Variants in DCTN1 observed in about 807,000 individuals in gnomAD.
DCTN1 encodes dynactin subunit 1, also known as 150 kDa dynein-associated polypeptide.
DCTN1 carries 61 observed loss-of-function variants against 161.2 expected under a neutral mutation model. The observed-to-expected ratio is 0.38, with a 90% confidence interval of 0.31 to 0.47. The LOEUF (loss-of-function observed/expected upper bound fraction) is 0.47. Ranked by LOEUF, DCTN1 falls within the 20% of genes least tolerant of loss-of-function variation. DCTN1 has a pLI of 0.99. For synonymous variants in DCTN1, 653 were observed against 632.4 expected (o/e 1.03, Z -0.49); for missense variants, 1,404 against 1,623.7 (o/e 0.86, Z 2.33).
rs773462298 is a variant in DCTN1 at position 74,366,226 on chromosome 2, A to G, written c.2760+18T>C. On this transcript the variant is annotated intron_variant, in intron 23 of 31. Transcript: ENST00000628224. Reference sequence around the variant, plus strand: ...TCCTACAGGCCTCTGCAACTTCTCCAAGGAAATCTCCACCTACCTTGCTGG... The same window carrying G: ...TCCTACAGGCCTCTGCAACTTCTCCGAGGAAATCTCCACCTACCTTGCTGG... 1 of 1,613,950 alleles carries G rather than the reference A, an allele frequency of 6.2e-7. No homozygotes were observed. The highest frequency in any genetic ancestry group is 1.7e-5 in the Admixed American group (1 of 60,022).
chr2:74,373,279 A>G, intron 6 of DCTN1: 2 of 415,458 alleles, frequency 4.8e-6, no homozygotes, highest in Non-Finnish European at 4.5e-6. Flanking sequence ...AGAAGGTCCC[A>G]TGAGACCAGT....
At chr2:74,368,590 G>T in intron 16 of DCTN1, 138 bp downstream of exon 16, 2 of 1,122,346 alleles carry the variant, frequency 1.8e-6, no homozygotes, top group Non-Finnish European at 2.6e-6. Context: ...ATATTAATCG[G>T]TGACTTTGCT....
intron 1 of DCTN1, among the ~76,000 whole-genome samples, chr2:74,388,124 A>G (rs965627533): frequency 2.0e-5 from 3 of 152,092 alleles, no homozygotes; most frequent in African/African-American, 7.2e-5. Context: ...AGTCCCAACT[A>G]CTCAGGAGGT....
chr2:74,382,422 A>G (rs1406055875), upstream of DCTN1, among the ~76,000 whole-genome samples: 2 of 151,982 alleles, frequency 1.3e-5, no homozygotes, highest in Admixed American at 1.3e-4. Context: ...TGACATGGTG[A>G]AACCCTATCT....
rs373738724 is a variant in DCTN1 at position 74,363,084 on chromosome 2, C to A, written c.3439G>T (p.Ala1147Ser). 2.5e-6 allele frequency: 4 copies of A among 1,613,700 alleles called. No homozygotes were observed. Among genetic ancestry groups the A allele is most frequent in the Admixed American group, 1.7e-5 (1 of 59,972 alleles). The change falls in exon 29 of 32, where the codon GCG (alanine) becomes TCG (serine). Residue 1147 changes from alanine to serine, a missense_variant. Ala to Ser is a moderately conservative substitution (Grantham distance 99). This residue lies in a region of DCTN1 where 311 missense variants were observed against 298.9 expected (regional missense o/e 1.04). Coordinates refer to ENST00000628224, the MANE Select transcript of DCTN1 (RefSeq NM_004082.5). ...EGPGSELPAG[A>S]LYRKTSQLLE... ...AGCTGGCTGGTCTTACGATACAGCG[C>A]TCCAGCTGGTAACTCACTGCCAGGG... is the stretch of plus-strand genomic sequence containing the variant.
chr2:74,391,477 G>A (rs1675994420), intron 1 of DCTN1: 2 of 271,538 alleles, frequency 7.4e-6, no homozygotes, highest in Non-Finnish European at 1.4e-5. Context: ...TGTGCCCACA[G>A]GAAACCTGTA....
intron 26 of DCTN1, 73 bp from the exon 27 acceptor site, chr2:74,363,701 A>T: frequency 6.3e-7 from 1 of 1,594,408 alleles, no homozygotes; most frequent in Non-Finnish European, 8.6e-7. Flanking sequence ...GGTTACGGGG[A>T]CACACCAGAG....
At position 74,370,610 on chromosome 2, in the gene DCTN1, G is replaced by T; in HGVS notation, c.1048+11C>A. The T allele has an allele frequency of 6.2e-7, 1 of 1,614,102 alleles. No individual in the cohort carries two copies. The highest frequency in any genetic ancestry group is 8.5e-7 in the Non-Finnish European group (1 of 1,180,026). The stretch of plus-strand genomic sequence containing the variant: ...TGACCGTTTGGCCCCCAGCAGCTGT[G>T]GGCCCCTTACCCTTCTCTTCAATCT... On this transcript the variant is annotated intron_variant, in intron 10 of 31. Transcript: ENST00000628224. This position sits in a 1 kb window ranked among gnomAD's most constrained non-coding sequence, Gnocchi z 4.4.
intron 25 of DCTN1, 79 bp from the exon 26 acceptor site, chr2:74,365,320 G>C: frequency 6.3e-7 from 1 of 1,585,428 alleles, no homozygotes; most frequent in Non-Finnish European, 8.6e-7. Flanking sequence ...GAGGTCCTTG[G>C]AATAGCCCTG....
upstream of DCTN1, among the ~76,000 whole-genome samples, chr2:74,382,301 T>C (rs1675544752): frequency 6.6e-6 from 1 of 152,172 alleles, no homozygotes; most frequent in Non-Finnish European, 1.5e-5. Flanking sequence ...AGCTAAAGCA[T>C]ATACAGGTAC....
At chr2:74,377,128 T>C (rs1401766733) in intron 4 of DCTN1, among the ~76,000 whole-genome samples, 1 of 152,170 alleles carries the variant, frequency 6.6e-6, no homozygotes, top group Non-Finnish European at 1.5e-5. Flanking sequence ...GTTGGCATCT[T>C]TGGGTACCAA....
At position 74,368,145 on chromosome 2, in the gene DCTN1, C is replaced by A. The variant is rs1674564294; in HGVS notation, c.1855-14G>T. The A allele has an allele frequency of 6.4e-7, 1 of 1,571,962 alleles. No homozygotes were observed. The highest frequency in any genetic ancestry group is 8.6e-7 in the Non-Finnish European group (1 of 1,157,956). ...GATCAGCTCTGCCTGTGGGAAAAAGCACCAGGAACCTGGGCCTCAGAGCAG... is the reference window on the plus strand; with the variant it reads ...GATCAGCTCTGCCTGTGGGAAAAAGAACCAGGAACCTGGGCCTCAGAGCAG... On this transcript the variant is annotated splice_polypyrimidine_tract_variant and intron_variant, in intron 16 of 31. Coordinates refer to ENST00000628224, the MANE Select transcript of DCTN1 (RefSeq NM_004082.5).
chr2:74,363,622 T>C lies in DCTN1; in HGVS notation c.3203A>G (p.Gln1068Arg), dbSNP rs1674187792. 3 of 1,613,836 alleles carry C rather than the reference T, an allele frequency of 1.9e-6. No individual in the cohort carries two copies. The highest frequency in any genetic ancestry group is 2.5e-6 in the Non-Finnish European group (3 of 1,179,906). The change falls in exon 27 of 32, where the codon CAG becomes CGG. Residue 1068 changes from glutamine (Q) to arginine (R), a missense_variant. Gln to Arg is a conservative substitution (Grantham distance 43). Coordinates refer to ENST00000628224, the MANE Select transcript of DCTN1 (RefSeq NM_004082.5). ...TLVSGIAGEE[Q>R]QRGAIPGQAP... Reference sequence around the variant, plus strand: ...CCAGAGTGGGTCTCTACCTCGCTGCTGTTCTTCTGTGCTCGGGATAGCCCA... The same window carrying C: ...CCAGAGTGGGTCTCTACCTCGCTGCCGTTCTTCTGTGCTCGGGATAGCCCA...
intron 24 of DCTN1, 96 bp from the exon 25 acceptor site, chr2:74,365,753 C>T: frequency 6.2e-7 from 1 of 1,611,094 alleles, no homozygotes; most frequent in Non-Finnish European, 8.5e-7. Context: ...CCTGAGGGCT[C>T]ACCACAGCTC....
chr2:74,377,924 G>A (rs539289093), intron 2 of DCTN1, 76 bp downstream of exon 2: 17 of 1,597,760 alleles, frequency 1.1e-5, no homozygotes, highest in African/African-American at 9.4e-5. Flanking sequence ...TCAGGAAAAC[G>A]AAGTACCAAC....
rs1182157689 is a variant in DCTN1, at chr2:74,366,594, C to T, written c.2493G>A (p.Arg831=). 1.2e-6 allele frequency: 2 copies of T among 1,612,880 alleles called. No individual in the cohort carries two copies. Among genetic ancestry groups the T allele is most frequent in the Non-Finnish European group, 1.7e-6 (2 of 1,180,036 alleles). ...CAGCCACGACCCACGTCAAGTGTTT[C>T]CTGCAGTCTAGGAGCGTGTCAGATA... The part of the protein sequence containing the change: ...PQVSDTLLDC[R]KHLTWVVAVL... Residue 831 remains arginine, a synonymous_variant, in exon 22 of 32, where the codon AGG becomes AGA. Transcript: ENST00000628224.
At position 74,362,630 on chromosome 2, in the gene DCTN1, G is replaced by A. The variant is rs1439201428; in HGVS notation, c.3609+20C>T. Reference sequence around the variant, plus strand: ...CAGTTTATGCTGTGAAGTGAGCTCTGCCTGGCAAACTGAGCTGACCTTGAG... The same window carrying A: ...CAGTTTATGCTGTGAAGTGAGCTCTACCTGGCAAACTGAGCTGACCTTGAG... On this transcript the variant is annotated intron_variant, in intron 30 of 31. Transcript: ENST00000628224. The A allele has an allele frequency of 6.2e-7, 1 of 1,612,326 alleles. No individual in the cohort carries two copies. Among genetic ancestry groups the A allele is most frequent in the Non-Finnish European group, 8.5e-7 (1 of 1,179,228 alleles).
At position 74,366,952 on chromosome 2, in the gene DCTN1, T is replaced by A. The variant is rs370482653; in HGVS notation, c.2317-20A>T. The A allele has an allele frequency of 6.2e-7, 1 of 1,613,994 alleles. No individual in the cohort carries two copies. The highest frequency in any genetic ancestry group is 8.5e-7 in the Non-Finnish European group (1 of 1,179,994). On this transcript the variant is annotated intron_variant, in intron 20 of 31. Coordinates refer to ENST00000628224, the MANE Select transcript of DCTN1 (RefSeq NM_004082.5). The stretch of plus-strand genomic sequence containing the variant: ...CCCACCCTACTCAGGAAAAAGAAAA[T>A]GGATGGAGAACCAAGTTAGCATTAA...
In DCTN1 at chr2:74,371,633, G is replaced by A. The variant is rs984363233; in HGVS notation, c.549C>T (p.Pro183=). 1.9e-6 allele frequency: 3 copies of A among 1,592,330 alleles called. No homozygotes were observed. The highest frequency in any genetic ancestry group is 1.7e-6 in the Non-Finnish European group (2 of 1,170,542). The part of the protein sequence containing the change: ...ASAGELSSSE[P]STPAQTPLAA... ...CCAGCGGAGTCTGAGCCGGGGTGCTGGGCTCACTGCTGCTCAGCTCACCTG... is the reference window on the plus strand; with the variant it reads ...CCAGCGGAGTCTGAGCCGGGGTGCTAGGCTCACTGCTGCTCAGCTCACCTG... The change falls in exon 8 of 32, where the codon CCC becomes CCT. Residue 183 remains proline (P), a synonymous_variant. Transcript: ENST00000628224.
Sources: gnomAD v4.1 joint callset for allele counts (sites outside exome capture counted in the v4.1 genomes callset) on GRCh38, gnomAD v4.1.1 for gene constraint, gnomAD v4.1.1 regional missense constraint, Gnocchi (gnomAD v3.1) non-coding constraint, MANE v1.5 for transcripts, NCBI Gene and HGNC (gene_info 2026-07-23, HGNC 2026-07-21) for gene names.